Variants in NXPH1 observed in about 807,000 individuals in gnomAD.
NXPH1 encodes the protein neurexophilin 1, also known as neurexophilin-1.
NXPH1 carries 5 observed loss-of-function variants against 23.7 expected under a neutral mutation model. The observed-to-expected ratio is 0.21, with a 90% CI of 0.11 to 0.44. The LOEUF (loss-of-function observed/expected upper bound fraction) is 0.44, where lower values mean the gene tolerates loss of function less well. Among genes scored for constraint, NXPH1 ranks in the 20% least tolerant of loss-of-function variants. The probability of loss-of-function intolerance (pLI) is 0.99; values close to 1 mark genes in which losing one functional copy is unlikely to be tolerated. For missense variants in NXPH1, 324 were observed against 321.6 expected, an observed-to-expected ratio of 1.01 and a Z score of -0.06; for synonymous variants, 144 against 122.2, an observed-to-expected ratio of 1.18 and a Z score of -1.18.
intron 2 of NXPH1, among the ~76,000 whole-genome samples, chr7:8,660,639 A>T (rs900144336): frequency 6.6e-6 from 1 of 152,208 alleles, no homozygotes; most frequent in African/African-American, 2.4e-5. Context: ...TACTCACTGA[A>T]ACTGAAATCC....
chr7:8,699,465 G>A (rs537704581), intron 2 of NXPH1, among the ~76,000 whole-genome samples: 2 of 152,186 alleles, frequency 1.3e-5, no homozygotes, highest in East Asian at 3.9e-4. Context: ...TTATTCTGCA[G>A]AAGAATAGCT....
intron 2 of NXPH1, among the ~76,000 whole-genome samples, chr7:8,486,439 GT>G (rs1463920288): frequency 1.3e-5 from 2 of 152,148 alleles, no homozygotes; most frequent in East Asian, 3.9e-4. Flanking sequence ...TCCTTTACTT[GT>G]AAGAATCATT....
At chr7:8,686,446 G>C (rs180837455) in intron 2 of NXPH1, among the ~76,000 whole-genome samples, 41 of 152,160 alleles carry the variant, frequency 2.7e-4, no homozygotes, top group Admixed American at 1.5e-3. Flanking sequence ...AAAATATCAG[G>C]TGTATTTATT....
intron 2 of NXPH1, among the ~76,000 whole-genome samples, chr7:8,723,757 G>C (rs1482588169): frequency 6.6e-6 from 1 of 152,240 alleles, no homozygotes; most frequent in African/African-American, 2.4e-5. Flanking sequence ...GAAGTTTATG[G>C]GGAGCTAGAT....
chr7:8,435,746 C>T lies in NXPH1; in HGVS notation c.33C>T (p.Leu11=). Residue 11 remains leucine (L), a synonymous_variant, in exon 2 of 3, where the codon CTC becomes CTT. Coordinates refer to ENST00000405863, the MANE Select transcript of NXPH1 (RefSeq NM_152745.3). The surrounding 1 kb of genome is among the most constrained non-coding windows in gnomAD (Gnocchi z 5.9). ...CTGCGTGCTGGTACGTGCTTTTCCTCCTGCAGCCCACCGTCTACTTGGTAA... is the reference window on the plus strand; with the variant it reads ...CTGCGTGCTGGTACGTGCTTTTCCTTCTGCAGCCCACCGTCTACTTGGTAA... MQAACWYVLF[L]LQPTVYLVTC... 5 of 1,613,886 alleles carry T rather than the reference C, an allele frequency of 3.1e-6. No individual in the cohort carries two copies. The highest frequency in any genetic ancestry group is 1.1e-5 in the South Asian group (1 of 91,066).
rs532810877 is a variant in NXPH1 at position 8,637,225 on chromosome 7, CT to C, written c.55-113770del. ...ATCTTGCTCACTGCTGGGACTGACT[CT>C]TTTTTTTTTTTTGAGAGAGAGGGCC... On this transcript the variant is annotated intron_variant, in intron 2 of 2. Coordinates refer to ENST00000405863, the MANE Select transcript of NXPH1 (RefSeq NM_152745.3). Among the ~76,000 whole-genome samples the C allele has an allele frequency of 4.5e-3, 636 of 142,588 alleles. 4 individuals are homozygous for C. The highest frequency in any genetic ancestry group is 8.9e-3 in the African/African-American group (347 of 39,110). 93.5% of individuals were successfully genotyped at this position (142,588 alleles called of 152,430 possible).
intron 2 of NXPH1, among the ~76,000 whole-genome samples, chr7:8,666,095 TG>T (rs1820759667): frequency 1.3e-5 from 2 of 151,940 alleles, no homozygotes; most frequent in Admixed American, 1.3e-4. Context: ...CTGAAAAATG[TG>T]GGAAGAGTGG....
In NXPH1 at chr7:8,706,490, G is replaced by A. The variant is rs117904688; in HGVS notation, c.55-44518G>A. Among the ~76,000 whole-genome samples the A allele has an allele frequency of 5.5e-4, 84 of 152,284 alleles. No homozygotes were observed. In the East Asian group the frequency reaches 0.01, roughly 18 times the overall value. ...CTCGATTGAGGTACTTGAGTGATCC[G>A]TTTGAAATGGTCAGAGTGTGAAGAT... On this transcript the variant is annotated intron_variant, in intron 2 of 2. Coordinates refer to ENST00000405863, the MANE Select transcript of NXPH1 (RefSeq NM_152745.3).
chr7:8,556,811 G>A (rs532012971), intron 2 of NXPH1, among the ~76,000 whole-genome samples: 1 of 151,384 alleles, frequency 6.6e-6, no homozygotes, highest in African/African-American at 2.4e-5. Flanking sequence ...AACCAAAGAT[G>A]ATAGTTAACA....
At chr7:8,548,170 T>G (rs1475230887) in intron 2 of NXPH1, among the ~76,000 whole-genome samples, 1 of 151,514 alleles carries the variant, frequency 6.6e-6, no homozygotes, top group South Asian at 2.1e-4. Context: ...AGTGTTGAAG[T>G]TGACCTGTTT....
intron 2 of NXPH1, among the ~76,000 whole-genome samples, chr7:8,673,374 C>T (rs931990528): frequency 2.0e-5 from 3 of 152,054 alleles, no homozygotes; most frequent in African/African-American, 7.2e-5. Flanking sequence ...AGGATGGATA[C>T]CTCTGGTAAT....
chr7:8,672,283 C>T (rs1196953414), intron 2 of NXPH1, among the ~76,000 whole-genome samples: 1 of 151,946 alleles, frequency 6.6e-6, no homozygotes, highest in African/African-American at 2.4e-5. Context: ...ACAATGAGAA[C>T]ACATGGACAC....
intron 2 of NXPH1, among the ~76,000 whole-genome samples, chr7:8,481,481 A>G (rs1817071964): frequency 6.6e-6 from 1 of 152,168 alleles, no homozygotes; most frequent in Non-Finnish European, 1.5e-5. Context: ...TATGAAATAA[A>G]ACACAGAGGT....
chr7:8,589,307 A>T (rs574426047), intron 2 of NXPH1, among the ~76,000 whole-genome samples: 69 of 152,258 alleles, frequency 4.5e-4, no homozygotes, highest in African/African-American at 1.5e-3. Context: ...CACTTGCATC[A>T]TATTAAGTCA....
chr7:8,747,301 T>C (rs1440501586), intron 2 of NXPH1, among the ~76,000 whole-genome samples: 1 of 152,202 alleles, frequency 6.6e-6, no homozygotes, highest in Non-Finnish European at 1.5e-5. Flanking sequence ...AAACAATTTT[T>C]ATTCTACCTG....
chr7:8,749,133 G>A (rs1013967004), intron 2 of NXPH1, among the ~76,000 whole-genome samples: 2 of 152,164 alleles, frequency 1.3e-5, no homozygotes, highest in African/African-American at 4.8e-5. Context: ...TTATTTGGTT[G>A]CTTTCTCTAA....
At chr7:8,440,938 G>A (rs1282062154) in intron 2 of NXPH1, among the ~76,000 whole-genome samples, 2 of 152,164 alleles carry the variant, frequency 1.3e-5, no homozygotes, top group Non-Finnish European at 2.9e-5. Context: ...TCAGGAATGA[G>A]GAATAACACT....
chr7:8,502,282 G>A (rs887612135), intron 2 of NXPH1, among the ~76,000 whole-genome samples: 4 of 151,994 alleles, frequency 2.6e-5, no homozygotes, highest in African/African-American at 9.7e-5. Flanking sequence ...AAACTAAAAG[G>A]AAAGCAAATA....
chr7:8,515,887 T>C (rs1423596502), intron 2 of NXPH1, among the ~76,000 whole-genome samples: 4 of 152,148 alleles, frequency 2.6e-5, no homozygotes, highest in African/African-American at 9.7e-5. Context: ...GGTTACTCAT[T>C]ACTCTGCTAT....
Sources: allele counts gnomAD v4.1 joint callset (sites outside exome capture counted in the v4.1 genomes callset), GRCh38; gene constraint gnomAD v4.1.1; non-coding constraint Gnocchi (gnomAD v3.1); transcripts MANE v1.5; gene names NCBI Gene and HGNC (gene_info 2026-07-23, HGNC 2026-07-21).